SLCO3A1: variants seen among roughly 807,000 people sequenced by gnomAD.
SLCO3A1 encodes the protein PGE1 transporter.
A neutral mutation model predicts 63.1 loss-of-function variants in SLCO3A1; 27 were observed. That is an observed-to-expected ratio of 0.43 (90% CI 0.32 to 0.59). The LOEUF (loss-of-function observed/expected upper bound fraction) is 0.59, where lower values mean the gene tolerates loss of function less well. Among genes scored for constraint, SLCO3A1 ranks in the 20% least tolerant of loss-of-function variants. The probability of loss-of-function intolerance (pLI) is 0.09; values close to 1 mark genes in which losing one functional copy is unlikely to be tolerated. For synonymous variants in SLCO3A1, 473 were observed against 409.9 expected, an observed-to-expected ratio of 1.15 and a Z score of -1.86; for missense variants, 773 against 945.8, an observed-to-expected ratio of 0.82 and a Z score of 2.40.
chr15:91,864,828 C>G (rs2141845017), intron 1 of SLCO3A1, among the ~76,000 whole-genome samples: 1 of 152,306 alleles, frequency 6.6e-6, no homozygotes, highest in South Asian at 2.1e-4. Context: ...CAGTGATGGT[C>G]ACAGGTGTTC....
intron 2 of SLCO3A1, among the ~76,000 whole-genome samples, chr15:92,034,563 G>A (rs1408808685): frequency 6.6e-6 from 1 of 151,704 alleles, no homozygotes; most frequent in African/African-American, 2.4e-5. Context: ...ATCAGAAGAG[G>A]AAGACCTGGC....
At position 92,163,954 on chromosome 15, in the gene SLCO3A1, A is replaced by C; in HGVS notation, c.*819A>C. 4.1e-6 allele frequency: 4 copies of C among 985,452 alleles called. No homozygotes were observed. The highest frequency in any genetic ancestry group is 4.8e-6 in the Non-Finnish European group (4 of 829,952). The allele number at this position is 985,452 out of a possible 1,614,324, so 61.0% of individuals were successfully genotyped here. On this transcript the variant is annotated 3_prime_UTR_variant, in exon 10 of 10. Coordinates refer to ENST00000318445, the MANE Select transcript of SLCO3A1 (RefSeq NM_013272.4). ...AAGCAGTAGGCCTCGCCTGGCTATGACTGACCCGGCTCAGAGCTGGTGAGA... is the reference window on the plus strand; with the variant it reads ...AAGCAGTAGGCCTCGCCTGGCTATGCCTGACCCGGCTCAGAGCTGGTGAGA...
Position 91,916,327 on chromosome 15 carries a change from C to A in SLCO3A1, c.515C>A (p.Ala172Asp). 1 of 1,601,646 alleles carries A rather than the reference C, an allele frequency of 6.2e-7. No homozygotes were observed. Among genetic ancestry groups the A allele is most frequent in the Non-Finnish European group, 8.5e-7 (1 of 1,174,456 alleles). The change falls in exon 2 of 10, where the codon GCT becomes GAT. Residue 172 changes from alanine to aspartate, a missense_variant. By Grantham distance (126) the Ala-to-Asp change is moderately radical. This residue lies in a region of SLCO3A1 where 565 missense variants were observed against 749.8 expected (regional missense o/e 0.75). Transcript: ENST00000318445. The surrounding 1 kb of genome is among the most constrained non-coding windows in gnomAD (Gnocchi z 6.2). ...GACCTCATCTGCCGCAACCGGACGGCTACCAACATGATGTACTTGCTGCTC... is the reference window on the plus strand; with the variant it reads ...GACCTCATCTGCCGCAACCGGACGGATACCAACATGATGTACTTGCTGCTC... ...DPDLICRNRT[A>D]TNMMYLLLIG...
At position 91,916,088 on chromosome 15, in the gene SLCO3A1, C is replaced by T. The variant is rs1039233282; in HGVS notation, c.276C>T (p.Leu92=). The T allele has an allele frequency of 1.5e-5, 24 of 1,612,836 alleles. No homozygotes were observed. Among genetic ancestry groups the T allele is most frequent in the South Asian group, 1.3e-4 (12 of 91,082 alleles). ...GCTTCGAGATCGGGAACCTGGCGCT[C>T]ATCCTCTTCGTGAGCTACTTCGGGG... The part of the protein sequence containing the change: ...ASSFEIGNLA[L]ILFVSYFGAR... The change falls in exon 2 of 10, where the codon CTC becomes CTT. Residue 92 remains leucine, a synonymous_variant. Transcript: ENST00000318445. This position sits in a 1 kb window ranked among gnomAD's most constrained non-coding sequence, Gnocchi z 6.2.
intron 2 of SLCO3A1, among the ~76,000 whole-genome samples, chr15:92,069,864 G>C (rs1456253641): frequency 1.3e-5 from 2 of 152,094 alleles, no homozygotes; most frequent in African/African-American, 4.8e-5. Flanking sequence ...TTCCTTTCTT[G>C]CCTCTCCCCA....
intron 2 of SLCO3A1, among the ~76,000 whole-genome samples, chr15:92,011,860 A>T (rs1008642607): frequency 6.6e-6 from 1 of 152,240 alleles, no homozygotes; most frequent in African/African-American, 2.4e-5. Context: ...AGCGAGTTAT[A>T]CGCAAGAGGT....
chr15:91,891,940 A>G (rs753955620), intron 1 of SLCO3A1, among the ~76,000 whole-genome samples: 4 of 152,228 alleles, frequency 2.6e-5, no homozygotes, highest in Admixed American at 1.3e-4. Flanking sequence ...GAGACACTCT[A>G]CTTAACACAG....
chr15:92,040,811 A>G lies in SLCO3A1; in HGVS notation c.647-54070A>G, dbSNP rs540723475. On this transcript the variant is annotated intron_variant, in intron 2 of 9. Coordinates refer to ENST00000318445, the MANE Select transcript of SLCO3A1 (RefSeq NM_013272.4). The stretch of plus-strand genomic sequence containing the variant: ...TACTGTCCTTTGACTATGGGTCTCA[A>G]ACATCAAAAGTGTCTGTGGAGCTGT... Among the ~76,000 whole-genome samples, 11 of 152,288 alleles carry G rather than the reference A, an allele frequency of 7.2e-5. No individual in the cohort carries two copies. The South Asian group carries it at 2.3e-3, about 32-fold the overall frequency.
At chr15:92,040,916 TTGA>T (rs765079672) in intron 2 of SLCO3A1, among the ~76,000 whole-genome samples, 1 of 152,288 alleles carries the variant, frequency 6.6e-6, no homozygotes, top group East Asian at 1.9e-4. Flanking sequence ...AATCAGCATT[TTGA>T]TGATACTAAG....
intron 9 of SLCO3A1, among the ~76,000 whole-genome samples, chr15:92,159,827 C>G (rs528485269): frequency 5.3e-5 from 8 of 152,236 alleles, no homozygotes; most frequent in African/African-American, 1.9e-4. Context: ...TATAAGAATT[C>G]TCACTCAGGT....
intron 2 of SLCO3A1, among the ~76,000 whole-genome samples, chr15:91,983,604 A>G (rs2046013867): frequency 1.3e-5 from 2 of 152,224 alleles, no homozygotes; most frequent in African/African-American, 4.8e-5. Flanking sequence ...CAAGTAAATT[A>G]CTTACATCTT....
intron 2 of SLCO3A1, among the ~76,000 whole-genome samples, chr15:91,995,733 G>GAAAAAAA: frequency 1.3e-5 from 1 of 79,780 alleles, no homozygotes; most frequent in African/African-American, 4.5e-5. Flanking sequence ...AGATTTTCTT[G>GAAAAAAA]AAAAAAAAAA....
At chr15:91,864,645 T>A (rs1897123410) in intron 1 of SLCO3A1, among the ~76,000 whole-genome samples, 1 of 152,136 alleles carries the variant, frequency 6.6e-6, no homozygotes, top group African/African-American at 2.4e-5. Context: ...TATTTAAAAA[T>A]AACAGTGACA....
In SLCO3A1 at chr15:92,132,999, A is replaced by T. The variant is rs1482706282; in HGVS notation, c.1512+4510A>T. On this transcript the variant is annotated intron_variant, in intron 7 of 9. Transcript: ENST00000318445. ...CAAGTGTTTTTGATTTGTAACCAGG[A>T]TGGAGAACCGCTGTTCTAATACAGG... Among the ~76,000 whole-genome samples the T allele has an allele frequency of 2.1e-5, 3 of 146,162 alleles. 1 individual carries two copies. The highest frequency in any genetic ancestry group is 4.6e-5 in the Non-Finnish European group (3 of 65,216).
intron 9 of SLCO3A1, among the ~76,000 whole-genome samples, chr15:92,160,488 C>T (rs1013933652): frequency 6.6e-6 from 1 of 152,020 alleles, no homozygotes; most frequent in Non-Finnish European, 1.5e-5. Flanking sequence ...GGGAATGCTA[C>T]GAATATGCGC....
intron 1 of SLCO3A1, among the ~76,000 whole-genome samples, chr15:91,879,049 T>G (rs1455595208): frequency 6.6e-6 from 1 of 152,216 alleles, no homozygotes; most frequent in African/African-American, 2.4e-5. Context: ...CAGCCTGTGA[T>G]CTGCACACTT....
intron 5 of SLCO3A1, 41 bp from the exon 6 acceptor site, chr15:92,126,020 C>T (rs377297393): frequency 6.3e-7 from 1 of 1,578,574 alleles, no homozygotes; most frequent in Non-Finnish European, 8.7e-7. Context: ...ACTGGCCCCA[C>T]CTTCCCTGTT....
chr15:92,162,630 A>G (rs556075528), intron 9 of SLCO3A1, 126 bp from the exon 10 acceptor site: 1 of 1,449,660 alleles, frequency 6.9e-7, no homozygotes, highest in South Asian at 1.4e-5. Context: ...CCTCCTGAGC[A>G]TGTCTTTGAG....
chr15:92,135,594 G>C (rs1276230435), intron 7 of SLCO3A1, among the ~76,000 whole-genome samples: 1 of 152,216 alleles, frequency 6.6e-6, no homozygotes, highest in Non-Finnish European at 1.5e-5. Context: ...AACCAATGAA[G>C]TGAAGAGATG....
Sources: allele counts gnomAD v4.1 joint callset (sites outside exome capture counted in the v4.1 genomes callset), GRCh38; gene constraint gnomAD v4.1.1; regional missense constraint gnomAD v4.1.1; non-coding constraint Gnocchi (gnomAD v3.1); transcripts MANE v1.5; gene names NCBI Gene and HGNC (gene_info 2026-07-23, HGNC 2026-07-21).